Variants in ZNF385D observed in about 807,000 individuals in gnomAD.
ZNF385D encodes zinc finger protein 659.
Under a neutral mutation model 35.8 loss-of-function variants are expected in ZNF385D, and 15 were observed. That is an observed-to-expected ratio of 0.42 (90% CI 0.28 to 0.64). ZNF385D has a LOEUF of 0.64. Among genes scored for constraint, ZNF385D ranks in the 30% least tolerant of loss-of-function variants. The pLI is 0.23. For synonymous variants in ZNF385D, 212 were observed against 186.8 expected (o/e 1.13, Z -1.10); for missense variants, 474 against 494.6 (o/e 0.96, Z 0.39).
intron 3 of ZNF385D, among the ~76,000 whole-genome samples, chr3:22,013,404 C>T (rs995181404): frequency 6.6e-6 from 1 of 152,060 alleles, no homozygotes; most frequent in Admixed American, 6.6e-5. Flanking sequence ...CATATTATGG[C>T]AGTTAGAATA....
At chr3:21,635,322 C>T (rs1374260809) in intron 2 of ZNF385D, among the ~76,000 whole-genome samples, 1 of 152,040 alleles carries the variant, frequency 6.6e-6, no homozygotes, top group Non-Finnish European at 1.5e-5. Context: ...TATGAGTGCT[C>T]ACTACATGCC....
At chr3:22,123,009 T>C (rs1198736621) in intron 3 of ZNF385D, among the ~76,000 whole-genome samples, 2 of 152,188 alleles carry the variant, frequency 1.3e-5, no homozygotes, top group Admixed American at 1.3e-4. Flanking sequence ...TTATTCCAAA[T>C]GCAATGGGTT....
rs571831685 is a variant in ZNF385D, at chr3:21,492,486, T to TAA, written c.439+18373_439+18374dup. Among the ~76,000 whole-genome samples the TAA allele has an allele frequency of 1.9e-3, 269 of 139,162 alleles. 1 individual carries two copies. The highest frequency in any genetic ancestry group is 6.7e-3 in the African/African-American group (257 of 38,088). The allele number at this position is 139,162 out of a possible 152,430, so 91.3% of individuals were successfully genotyped here. On this transcript the variant is annotated intron_variant, in intron 4 of 7. Transcript: ENST00000281523. The stretch of plus-strand genomic sequence containing the variant: ...TTTCTTTTACTACTCTTCGTATTAC[T>TAA]AAAAAAAAAAAAATGGCCGGGCATG...
chr3:22,330,346 G>A (rs1694878319), intron 2 of ZNF385D, among the ~76,000 whole-genome samples: 1 of 151,998 alleles, frequency 6.6e-6, no homozygotes, highest in Non-Finnish European at 1.5e-5. Context: ...GCTGAGGTTT[G>A]TCTTTTTTGT....
At chr3:21,846,279 T>C (rs1305805941) in intron 3 of ZNF385D, among the ~76,000 whole-genome samples, 2 of 152,018 alleles carry the variant, frequency 1.3e-5, no homozygotes, top group Middle Eastern at 3.2e-3. Flanking sequence ...ATACTATAGC[T>C]TTTCACATTT....
chr3:21,929,938 T>G (rs1448487840), intron 3 of ZNF385D, among the ~76,000 whole-genome samples: 1 of 152,074 alleles, frequency 6.6e-6, no homozygotes, highest in Non-Finnish European at 1.5e-5. Context: ...CTGTAGAAAT[T>G]GCCAAGCTTA....
intron 3 of ZNF385D, among the ~76,000 whole-genome samples, chr3:21,557,464 G>T (rs552079871): frequency 1.6e-4 from 24 of 152,208 alleles, no homozygotes; most frequent in Non-Finnish European, 3.2e-4. Context: ...GATAGGTTAC[G>T]TATATTTATT....
chr3:21,989,908 G>C (rs1695053908), intron 3 of ZNF385D, among the ~76,000 whole-genome samples: 1 of 152,120 alleles, frequency 6.6e-6, no homozygotes, highest in Non-Finnish European at 1.5e-5. Context: ...AATCTCCCTG[G>C]AGCTTTCACA....
intron 4 of ZNF385D, among the ~76,000 whole-genome samples, chr3:21,509,383 C>A (rs144472616): frequency 1.3e-5 from 2 of 152,098 alleles, no homozygotes; most frequent in East Asian, 3.9e-4. Context: ...ACCCAATATC[C>A]GGGAGCAGAA....
rs1199662864 is a variant in ZNF385D at position 21,416,015 on chromosome 3, C to CTTTTTTTTTTTTTTT, written c.*5184_*5198dup. ...GACTCTTCATGACCTGCATGAACTT[C>CTTTTTTTTTTTTTTT]TTTTTTTTTTTTTTTTTTTTTTTTT... is the stretch of plus-strand genomic sequence containing the variant. On this transcript the variant is annotated 3_prime_UTR_variant, in exon 8 of 8. Coordinates refer to ENST00000281523, the MANE Select transcript of ZNF385D (RefSeq NM_024697.3). The CTTTTTTTTTTTTTTT allele has an allele frequency of 2.7e-4, 8 of 29,446 alleles. 2 individuals carry two copies. Among genetic ancestry groups the CTTTTTTTTTTTTTTT allele is most frequent in the East Asian group, 0.021 (2 of 96 alleles). 1.8% of individuals were successfully genotyped at this position (29,446 alleles called of 1,614,324 possible).
intron 1 of ZNF385D, among the ~76,000 whole-genome samples, chr3:21,745,515 G>C (rs1243600736): frequency 1.3e-5 from 2 of 152,132 alleles, no homozygotes; most frequent in Non-Finnish European, 2.9e-5. Context: ...TTCAATCCTA[G>C]CAATTTGGTT....
intron 3 of ZNF385D, among the ~76,000 whole-genome samples, chr3:21,546,779 CT>C (rs1245099510): frequency 6.6e-6 from 1 of 151,848 alleles, no homozygotes; most frequent in Non-Finnish European, 1.5e-5. Flanking sequence ...AACTCCAAGG[CT>C]ACTGGCAGTA....
chr3:21,848,216 G>A (rs1000040900), intron 3 of ZNF385D, among the ~76,000 whole-genome samples: 4 of 151,850 alleles, frequency 2.6e-5, no homozygotes, highest in Non-Finnish European at 2.9e-5. Flanking sequence ...TTCGATCTAT[G>A]TGTATACCAC....
At chr3:22,125,936 CTTTCAGTACTGTG>C (rs1403241403) in intron 3 of ZNF385D, among the ~76,000 whole-genome samples, 4 of 152,088 alleles carry the variant, frequency 2.6e-5, no homozygotes, top group Non-Finnish European at 5.9e-5. Context: ...CTAGCTGATA[CTTTCAGTACTGTG>C]TTGAATAACA....
chr3:22,225,729 T>C (rs773432502), intron 2 of ZNF385D, among the ~76,000 whole-genome samples: 9 of 152,206 alleles, frequency 5.9e-5, no homozygotes, highest in Non-Finnish European at 1.3e-4. Flanking sequence ...TAACCTTAAA[T>C]TCTTGTCACA....
intron 3 of ZNF385D, among the ~76,000 whole-genome samples, chr3:22,045,639 T>G (rs1227841588): frequency 1.3e-5 from 2 of 152,186 alleles, no homozygotes; most frequent in African/African-American, 4.8e-5. Context: ...TCATTTCTAG[T>G]GCTGAGTAAA....
intron 2 of ZNF385D, among the ~76,000 whole-genome samples, chr3:21,596,067 TTGTC>T (rs1315688747): frequency 3.9e-5 from 6 of 152,196 alleles, no homozygotes; most frequent in African/African-American, 1.4e-4. Context: ...TTTAACAGCT[TTGTC>T]TGAAGCATAA....
chr3:21,960,664 C>T (rs1020363626), intron 3 of ZNF385D, among the ~76,000 whole-genome samples: 1 of 152,062 alleles, frequency 6.6e-6, no homozygotes, highest in African/African-American at 2.4e-5. Flanking sequence ...TATTCACAAT[C>T]GCTAAGATAT....
At chr3:21,551,794 G>A (rs2062576178) in intron 3 of ZNF385D, among the ~76,000 whole-genome samples, 2 of 152,100 alleles carry the variant, frequency 1.3e-5, no homozygotes, top group South Asian at 4.1e-4. Context: ...GATTAAAAAT[G>A]CAAGCAATAT....
Sources: allele counts gnomAD v4.1 joint callset (sites outside exome capture counted in the v4.1 genomes callset), GRCh38; gene constraint gnomAD v4.1.1; transcripts MANE v1.5; gene names NCBI Gene and HGNC (gene_info 2026-07-23, HGNC 2026-07-21).